Variants in CKM observed in about 807,000 individuals in gnomAD.
CKM encodes creatine kinase, M-type.
In CKM, 28 loss-of-function variants were observed where a neutral mutation model predicts 35.4. The ratio of observed to expected loss-of-function variants is 0.79; its 90% CI spans 0.59 to 1.08. CKM has a LOEUF of 1.08. CKM is among the 50% of genes least tolerant of loss of function. The pLI, the probability that CKM is intolerant of heterozygous loss-of-function variation, is 0.00. For synonymous variants in CKM, 215 were observed against 204.4 expected, an observed-to-expected ratio of 1.05 and a Z score of -0.44; for missense variants, 484 against 509.8, an observed-to-expected ratio of 0.95 and a Z score of 0.49.
chr19:45,306,568 C>A lies in CKM; in HGVS notation c.*182G>T. 1.5e-6 allele frequency: 1 copy of A among 645,916 alleles called. No individual in the cohort carries two copies. 40.0% of individuals were successfully genotyped at this position (645,916 alleles called of 1,614,324 possible). A position where few individuals can be genotyped will look rare whatever the true frequency, so the allele number is the denominator to read the frequency against. ...AGGGAGATATTTCATTGGCCAGAAT[C>A]CAGAGGATGGAGCCCATTGGTTGGA... On this transcript the variant is annotated 3_prime_UTR_variant, in exon 8 of 8. Transcript: ENST00000221476. This position sits in a 1 kb window ranked among gnomAD's most constrained non-coding sequence, Gnocchi z 4.5.
intron 5 of CKM, among the ~76,000 whole-genome samples, chr19:45,311,210 G>A (rs906131440): frequency 2.0e-5 from 3 of 151,012 alleles, no homozygotes; most frequent in Non-Finnish European, 2.9e-5. Context: ...GAGCCACTGT[G>A]CCCGGCCAAG....
intron 4 of CKM, 146 bp downstream of exon 4, chr19:45,315,319 C>T: frequency 3.4e-6 from 3 of 883,166 alleles, no homozygotes; most frequent in Non-Finnish European, 5.1e-6. Flanking sequence ...TGCTGACAGC[C>T]CGCGCCATTC....
Position 45,310,937 on chromosome 19 carries a change from A to ATTT in CKM, c.653+809_653+811dup, listed in dbSNP as rs71173145. Among the ~76,000 whole-genome samples, 258 of 129,784 alleles carry ATTT rather than the reference A, an allele frequency of 2.0e-3. 1 individual carries two copies. The highest frequency in any genetic ancestry group is 2.2e-3 in the Admixed American group (28 of 12,788). 85.1% of individuals were successfully genotyped at this position (129,784 alleles called of 152,430 possible). ...AGGCGCCTGCCACGACGCCGGGCTA[A>ATTT]TTTTTTTTTTTTTTTTGTAGTTTTA... On this transcript the variant is annotated intron_variant, in intron 5 of 7. Transcript: ENST00000221476.
At chr19:45,318,372 A>C (rs1971179570) in intron 2 of CKM, among the ~76,000 whole-genome samples, 1 of 150,456 alleles carries the variant, frequency 6.6e-6, no homozygotes, top group South Asian at 2.1e-4. Context: ...ACACCACTGC[A>C]CTCCAGCCTG....
chr19:45,315,332 C>T lies in CKM; in HGVS notation c.481+133G>A. On this transcript the variant is annotated intron_variant, in intron 4 of 7. Transcript: ENST00000221476. Reference sequence around the variant, plus strand: ...AATGCTGACAGCCCGCGCCATTCCCCAAGCCCCCACGATTTACCAAGCTCT... The same window carrying T: ...AATGCTGACAGCCCGCGCCATTCCCTAAGCCCCCACGATTTACCAAGCTCT... The T allele has an allele frequency of 6.7e-6, 7 of 1,039,056 alleles. No homozygotes were observed. In the South Asian group the frequency reaches 1.1e-4, roughly 16 times the overall value. The allele number at this position is 1,039,056 out of a possible 1,614,324, so 64.4% of individuals were successfully genotyped here.
chr19:45,316,316 T>G (rs1971157541), intron 3 of CKM, among the ~76,000 whole-genome samples: 1 of 135,532 alleles, frequency 7.4e-6, no homozygotes, highest in Non-Finnish European at 1.6e-5. Flanking sequence ...GGTGACAGAG[T>G]GAGATTCTGT....
At chr19:45,312,583 C>T (rs910655844) in intron 4 of CKM, among the ~76,000 whole-genome samples, 2 of 151,872 alleles carry the variant, frequency 1.3e-5, no homozygotes, top group Admixed American at 6.6e-5. Flanking sequence ...CCACCATGCC[C>T]GGCTAATTTT....
intron 6 of CKM, among the ~76,000 whole-genome samples, chr19:45,308,009 G>A (rs1971070915): frequency 6.6e-6 from 1 of 151,896 alleles, no homozygotes; most frequent in Non-Finnish European, 1.5e-5. Context: ...GACTACAGGC[G>A]CGCGCCACTA....
At position 45,321,993 on chromosome 19, in the gene CKM, C is replaced by T. The variant is rs186898107; in HGVS notation, c.-19+828G>A. Among the ~76,000 whole-genome samples, 308 of 152,200 alleles carry T rather than the reference C, an allele frequency of 2.0e-3. 1 individual carries two copies. Among genetic ancestry groups the T allele is most frequent in the African/African-American group, 7.1e-3 (296 of 41,516 alleles). On this transcript the variant is annotated intron_variant, in intron 1 of 7. Coordinates refer to ENST00000221476, the MANE Select transcript of CKM (RefSeq NM_001824.5). ...AATCTGGCAACTGCCTGCCATCCCA[C>T]CCCCAGCTGCTGCCCCGCCCCACCC... is the stretch of plus-strand genomic sequence containing the variant.
chr19:45,307,405 C>T (rs1971063092), intron 7 of CKM, 56 bp downstream of exon 7: 3 of 1,556,786 alleles, frequency 1.9e-6, no homozygotes, highest in Non-Finnish European at 2.6e-6. Context: ...CCTTGCATCC[C>T]TGCAAAGGGC....
intron 4 of CKM, 31 bp downstream of exon 4, chr19:45,315,434 C>A: frequency 6.3e-7 from 1 of 1,596,100 alleles, no homozygotes; most frequent in Non-Finnish European, 8.5e-7. Flanking sequence ...GGCTGGGTGA[C>A]CCCAGCAGTG....
chr19:45,315,469 C>T lies in CKM; in HGVS notation c.477G>A (p.Val159=), dbSNP rs1190362719. Residue 159 remains valine (V), a synonymous_variant, in exon 4 of 8, where the codon GTG becomes GTA. Coordinates refer to ENST00000221476, the MANE Select transcript of CKM (RefSeq NM_001824.5). ...GERRAVEKLS[V]EALNSLTGEF... is the part of the protein sequence containing the mutation. ...GGACGGGGTAGGGGCGCTCACCTTC[C>T]ACAGAGAGCTTCTCCACCGCCCGGC... 1 of 1,598,964 alleles carries T rather than the reference C, an allele frequency of 6.3e-7. No homozygotes were observed. The highest frequency in any genetic ancestry group is 8.5e-7 in the Non-Finnish European group (1 of 1,179,578).
intron 4 of CKM, among the ~76,000 whole-genome samples, chr19:45,314,380 C>T (rs1397109471): frequency 6.6e-6 from 1 of 151,948 alleles, no homozygotes; most frequent in Non-Finnish European, 1.5e-5. Flanking sequence ...AGACATAATG[C>T]TATTGTGCAC....
At chr19:45,317,735 C>G (rs1319447998) in intron 3 of CKM, 90 bp downstream of exon 3, 2 of 1,410,208 alleles carry the variant, frequency 1.4e-6, no homozygotes, top group Non-Finnish European at 1.0e-6. Flanking sequence ...GTGTCTCTCT[C>G]TGTCTCTGTA....
rs773572622 is a variant in CKM at position 45,317,818 on chromosome 19, C to A, written c.348+7G>T. ...CCTCGGCCCTCCCCTCCTGCGCAGA[C>A]ACCGACCTTGAGGTTTTCATGGTTG... On this transcript the variant is annotated splice_region_variant and intron_variant, in intron 3 of 7. Transcript: ENST00000221476. 2.5e-6 allele frequency: 4 copies of A among 1,614,064 alleles called. No individual in the cohort carries two copies. In the Admixed American group the frequency reaches 6.7e-5, roughly 27 times the overall value.
rs779592193 is a variant in CKM at position 45,317,809 on chromosome 19, C to A, written c.348+16G>T. The stretch of plus-strand genomic sequence containing the variant: ...CTCCTCACCCCTCGGCCCTCCCCTC[C>A]TGCGCAGACACCGACCTTGAGGTTT... On this transcript the variant is annotated intron_variant, in intron 3 of 7. Transcript: ENST00000221476. 3.7e-6 allele frequency: 6 copies of A among 1,613,926 alleles called. No homozygotes were observed. The African/African-American group carries it at 6.7e-5, about 18-fold the overall frequency.
At chr19:45,308,177 C>T (rs548004291) in intron 6 of CKM, among the ~76,000 whole-genome samples, 1 of 132,204 alleles carries the variant, frequency 7.6e-6, no homozygotes, top group African/African-American at 2.9e-5. Context: ...CGGATCCTTA[C>T]GGGCGGGGCT....
Position 45,319,668 on chromosome 19 carries a change from G to T in CKM, c.46C>A (p.Pro16Thr), listed in dbSNP as rs751830939. 1.2e-6 allele frequency: 2 copies of T among 1,614,230 alleles called. No homozygotes were observed. Among genetic ancestry groups the T allele is most frequent in the Non-Finnish European group, 1.7e-6 (2 of 1,180,052 alleles). Residue 16 changes from proline (P) to threonine (T), a missense_variant, in exon 2 of 8, where the codon CCT becomes ACT. By Grantham distance (38) the Pro-to-Thr change is conservative. Coordinates refer to ENST00000221476, the MANE Select transcript of CKM (RefSeq NM_001824.5). ...CTGAGGTCGGGGTACTCCTCCTCAG[G>T]CTTGTAATTCAGCTTGAACTTGTTG... ...THNKFKLNYKPEEEYPDLSKH... is the reference protein window; with the variant it reads ...THNKFKLNYKTEEEYPDLSKH...
In CKM at chr19:45,308,465, C is replaced by G. The variant is rs1310135134; in HGVS notation, c.721G>C (p.Glu241Gln). ...ACCTCCTTCATGTTGCCCCCCTTCT[C>G]CATGGAGATGACCCGGAGGTGATCC... ...EEDHLRVISM[E>Q]KGGNMKEVFR... Residue 241 changes from glutamate (E) to glutamine (Q), a missense_variant, in exon 6 of 8, where the codon GAG becomes CAG. Physicochemically the swap from Glu to Gln is conservative, Grantham distance 29. Transcript: ENST00000221476. 2.5e-6 allele frequency: 4 copies of G among 1,614,050 alleles called. No homozygotes were observed. The African/African-American group carries it at 5.3e-5, about 22-fold the overall frequency.
Sources: allele counts gnomAD v4.1 joint callset (sites outside exome capture counted in the v4.1 genomes callset), GRCh38; gene constraint gnomAD v4.1.1; non-coding constraint Gnocchi (gnomAD v3.1); transcripts MANE v1.5; gene names NCBI Gene and HGNC (gene_info 2026-07-23, HGNC 2026-07-21).